SLC4A4: variants seen among roughly 807,000 people sequenced by gnomAD.
SLC4A4 encodes solute carrier family 4 member 4.
SLC4A4 carries 27 observed loss-of-function variants against 111.5 expected under a neutral mutation model. The observed-to-expected ratio is 0.24, with a 90% CI of 0.18 to 0.33. The LOEUF is 0.33. Ranked by LOEUF, SLC4A4 falls within the 10% of genes least tolerant of loss-of-function variation. SLC4A4 has a pLI of 1.00. For synonymous variants in SLC4A4, 443 were observed against 463.4 expected, an observed-to-expected ratio of 0.96 and a Z score of 0.57; for missense variants, 909 against 1,315.5, an observed-to-expected ratio of 0.69 and a Z score of 4.78.
chr4:71,485,315 C>T (rs1006817494), intron 14 of SLC4A4, among the ~76,000 whole-genome samples: 1 of 151,584 alleles, frequency 6.6e-6, no homozygotes, highest in South Asian at 2.1e-4. Flanking sequence ...CCTTCAACAC[C>T]TAGTTTGTTG....
At chr4:71,091,773 C>CT (rs1262667881) in intron 1 of SLC4A4, among the ~76,000 whole-genome samples, 15 of 152,180 alleles carry the variant, frequency 9.9e-5, no homozygotes, top group Non-Finnish European at 4.4e-5. Flanking sequence ...GCTCCTAAGA[C>CT]TAGTTTTGTA....
chr4:71,213,427 G>A (rs1324356848), intron 1 of SLC4A4, among the ~76,000 whole-genome samples: 1 of 152,164 alleles, frequency 6.6e-6, no homozygotes, highest in Non-Finnish European at 1.5e-5. Context: ...CTGCTTTCAG[G>A]CTGGTGGGCT....
intron 1 of SLC4A4, among the ~76,000 whole-genome samples, chr4:71,068,002 G>A (rs1237657546): frequency 6.6e-6 from 1 of 150,774 alleles, no homozygotes. Context: ...TCCTGCCTTC[G>A]CTTCCCATAG....
intron 7 of SLC4A4, among the ~76,000 whole-genome samples, chr4:71,434,991 C>T (rs1188514905): frequency 6.6e-6 from 1 of 152,202 alleles, no homozygotes; most frequent in Non-Finnish European, 1.5e-5. Context: ...TTTGGCCATA[C>T]TGCCCAAAGT....
intron 15 of SLC4A4, among the ~76,000 whole-genome samples, chr4:71,494,238 G>C (rs143897627): frequency 2.1e-3 from 317 of 152,118 alleles, no homozygotes; most frequent in Non-Finnish European, 3.4e-3. Flanking sequence ...TACACGCATC[G>C]TAAGGAAAAC....
At chr4:71,506,932 G>A (rs563550472) in intron 16 of SLC4A4, among the ~76,000 whole-genome samples, 3 of 152,168 alleles carry the variant, frequency 2.0e-5, no homozygotes, top group Admixed American at 6.5e-5. Flanking sequence ...GAGATTGGGG[G>A]CCAATATTTA....
At chr4:71,151,635 C>A (rs898314042) in intron 2 of SLC4A4, among the ~76,000 whole-genome samples, 1 of 151,428 alleles carries the variant, frequency 6.6e-6, no homozygotes, top group African/African-American at 2.4e-5. Context: ...AAAATATTTC[C>A]TGTCTGCGCA....
At chr4:71,351,985 G>C (rs1183497370) in intron 5 of SLC4A4, among the ~76,000 whole-genome samples, 2 of 152,146 alleles carry the variant, frequency 1.3e-5, no homozygotes, top group African/African-American at 4.8e-5. Flanking sequence ...ATGGAAATCT[G>C]ATATATGAGA....
intron 7 of SLC4A4, among the ~76,000 whole-genome samples, chr4:71,404,524 G>A (rs1340337055): frequency 1.3e-5 from 2 of 152,088 alleles, no homozygotes; most frequent in South Asian, 4.1e-4. Context: ...TTTTCAATAT[G>A]TAGCATTCTG....
At chr4:71,306,711 T>C (rs1725718075) in intron 3 of SLC4A4, among the ~76,000 whole-genome samples, 1 of 152,260 alleles carries the variant, frequency 6.6e-6, no homozygotes, top group Admixed American at 6.5e-5. Flanking sequence ...ATTTTTATTT[T>C]TCATTTTGAT....
In SLC4A4 at chr4:71,144,307, T is replaced by C. The variant is rs542423742; in HGVS notation, c.-2+51515T>C. ...CTCTGTTCTGTTCCATTGATCTATATCTCTGTTTTGGTACCAGTACCATTT... is the reference window on the plus strand; with the variant it reads ...CTCTGTTCTGTTCCATTGATCTATACCTCTGTTTTGGTACCAGTACCATTT... On this transcript the variant is annotated intron_variant, in intron 2 of 26. Coordinates refer to the SLC4A4 transcript ENST00000649996. Among the ~76,000 whole-genome samples the C allele has an allele frequency of 5.7e-4, 87 of 152,326 alleles. 1 individual carries two copies. Among genetic ancestry groups the C allele is most frequent in the African/African-American group, 1.7e-3 (69 of 41,582 alleles).
intron 3 of SLC4A4, among the ~76,000 whole-genome samples, chr4:71,288,755 C>A (rs966440044): frequency 6.6e-6 from 1 of 151,932 alleles, no homozygotes; most frequent in Non-Finnish European, 1.5e-5. Flanking sequence ...AGGCCAGTAT[C>A]CTCATTTGAG....
intron 18 of SLC4A4, among the ~76,000 whole-genome samples, chr4:71,537,873 C>T (rs1301053610): frequency 1.3e-5 from 2 of 152,078 alleles, no homozygotes; most frequent in Non-Finnish European, 1.5e-5. Flanking sequence ...CAAGGATTGG[C>T]ACGGTCTCTC....
chr4:71,483,569 A>G (rs1028435509), intron 14 of SLC4A4, among the ~76,000 whole-genome samples: 9 of 151,966 alleles, frequency 5.9e-5, no homozygotes, highest in Admixed American at 5.9e-4. Flanking sequence ...TATCCAGCCT[A>G]TCATTGATGG....
At chr4:71,486,485 C>G (rs1443498103) in intron 14 of SLC4A4, among the ~76,000 whole-genome samples, 1 of 151,350 alleles carries the variant, frequency 6.6e-6, no homozygotes, top group Non-Finnish European at 1.5e-5. Flanking sequence ...CAAAGATAAC[C>G]TTTCTCATAC....
At chr4:71,451,336 G>T (rs1230400451) in intron 11 of SLC4A4, 35 bp downstream of exon 11, 1 of 1,298,740 alleles carries the variant, frequency 7.7e-7, no homozygotes, top group South Asian at 1.2e-5. Flanking sequence ...TCATGATGAG[G>T]TTCTCCTTAA....
chr4:71,532,348 A>G (rs908146968), intron 17 of SLC4A4, among the ~76,000 whole-genome samples, 173 bp downstream of exon 17: 5 of 152,154 alleles, frequency 3.3e-5, no homozygotes, highest in South Asian at 4.1e-4. Flanking sequence ...CTTCACTACA[A>G]TTAAATGTCA....
chr4:71,424,593 A>G (rs1237797816), intron 7 of SLC4A4, among the ~76,000 whole-genome samples: 1 of 152,136 alleles, frequency 6.6e-6, no homozygotes, highest in African/African-American at 2.4e-5. Flanking sequence ...AACCAACCCA[A>G]ATGTCCAACA....
chr4:71,308,816 G>GT (rs1215285487), intron 3 of SLC4A4, among the ~76,000 whole-genome samples: 5 of 152,122 alleles, frequency 3.3e-5, no homozygotes, highest in Non-Finnish European at 7.4e-5. Flanking sequence ...CTGCACGTGT[G>GT]TTTTTTTCGT....
Sources: gnomAD v4.1 joint callset for allele counts (sites outside exome capture counted in the v4.1 genomes callset) on GRCh38, gnomAD v4.1.1 for gene constraint, MANE v1.5 for transcripts, NCBI Gene and HGNC (gene_info 2026-07-23, HGNC 2026-07-21) for gene names.